DMD: variants seen among roughly 807,000 people sequenced by gnomAD.
DMD encodes the protein mutant dystrophin.
Under a neutral mutation model 330.1 loss-of-function variants are expected in DMD, and 63 were observed. The ratio of observed to expected loss-of-function variants is 0.19; its 90% CI spans 0.16 to 0.24. The LOEUF (loss-of-function observed/expected upper bound fraction) is 0.24. Among genes scored for constraint, DMD ranks in the 10% least tolerant of loss-of-function variants. The probability of loss-of-function intolerance (pLI) is 1.00; values close to 1 mark genes in which losing one functional copy is unlikely to be tolerated. For synonymous variants in DMD, 1,223 were observed against 959.8 expected (o/e 1.27, Z -5.07); for missense variants, 3,344 against 2,684.1 (o/e 1.25, Z -5.43).
intron 55 of DMD, among the ~76,000 whole-genome samples, chrX:31,536,229 T>C (rs1272094538): frequency 9.0e-6 from 1 of 111,596 alleles, no homozygotes; most frequent in Non-Finnish European, 1.9e-5. Flanking sequence ...TTATGCAAGG[T>C]TGCTTAGTGG....
At chrX:33,116,937 G>A (rs1404297693) in intron 1 of DMD, among the ~76,000 whole-genome samples, 2 of 110,607 alleles carry the variant, frequency 1.8e-5, no homozygotes, top group Non-Finnish European at 3.8e-5. Flanking sequence ...GATTCATACT[G>A]CTCTCAAATC....
intron 7 of DMD, among the ~76,000 whole-genome samples, chrX:32,732,710 G>A (rs757819388): frequency 1.4e-4 from 15 of 110,792 alleles, no homozygotes; most frequent in Admixed American, 1.4e-3. Context: ...ACAAGCAAAT[G>A]CTGAGAGATT....
intron 41 of DMD, among the ~76,000 whole-genome samples, chrX:32,322,174 G>T (rs1030499223): frequency 1.8e-5 from 2 of 111,295 alleles, no homozygotes; most frequent in African/African-American, 3.3e-5. Context: ...AGAGATGGAA[G>T]ATTTGTAATA....
chrX:32,853,678 A>G (rs1194719032), intron 2 of DMD, among the ~76,000 whole-genome samples: 1 of 109,430 alleles, frequency 9.1e-6, no homozygotes, highest in South Asian at 3.9e-4. Flanking sequence ...GAAAGCCACA[A>G]AACAACCAGA....
chrX:31,560,923 A>G (rs2075160555), intron 55 of DMD, among the ~76,000 whole-genome samples: 1 of 112,043 alleles, frequency 8.9e-6, no homozygotes, highest in African/African-American at 3.2e-5. Context: ...TGTCAACAGT[A>G]GCCTATTAGT....
chrX:32,374,937 T>C (rs1351040779), intron 34 of DMD, among the ~76,000 whole-genome samples: 14 of 111,910 alleles, frequency 1.3e-4, no homozygotes, highest in Non-Finnish European at 1.3e-4. Flanking sequence ...CACAGTTTTC[T>C]TGTTTACAAA....
At chrX:31,863,009 A>G (rs2093733510) in intron 48 of DMD, among the ~76,000 whole-genome samples, 1 of 112,895 alleles carries the variant, frequency 8.9e-6, no homozygotes, top group South Asian at 3.6e-4. Flanking sequence ...GGCTAACGCC[A>G]TTTTAGGCCT....
intron 2 of DMD, among the ~76,000 whole-genome samples, chrX:32,883,849 A>AAAG (rs2084256559): frequency 1.9e-5 from 2 of 104,713 alleles, no homozygotes; most frequent in Middle Eastern, 5.0e-3. Context: ...AAAAAAAAAA[A>AAAG]AAGAAAATGA....
chrX:32,659,653 T>C (rs983922354), intron 9 of DMD, among the ~76,000 whole-genome samples: 2 of 111,229 alleles, frequency 1.8e-5, no homozygotes, highest in African/African-American at 3.3e-5. Flanking sequence ...AATGTGTCTC[T>C]TAGCATATGA....
At chrX:32,531,965 T>C (rs1456090172) in intron 17 of DMD, among the ~76,000 whole-genome samples, 2 of 111,368 alleles carry the variant, frequency 1.8e-5, no homozygotes, top group Non-Finnish European at 1.9e-5. Context: ...AAATAATTTA[T>C]TTCCCAATTT....
Position 31,220,715 on chromosome X carries a change from G to A in DMD, c.9361+2332C>T, listed in dbSNP as rs927742179. 2.7e-5 allele frequency among the ~76,000 whole-genome samples: 3 copies of A among 110,270 alleles called. No homozygotes were observed. In the Admixed American group the frequency reaches 2.9e-4, roughly 11 times the overall value. ...TTTCTCCTGAGCACCACAGCTCCGT[G>A]TCTAACCTTACCAGACAAGTCCCAC... is the stretch of plus-strand genomic sequence containing the variant. On this transcript the variant is annotated intron_variant, in intron 64 of 78. Transcript: ENST00000357033.
chrX:31,805,711 G>A (rs2092268295), intron 50 of DMD, among the ~76,000 whole-genome samples: 1 of 112,002 alleles, frequency 8.9e-6, no homozygotes, highest in Non-Finnish European at 1.9e-5. Context: ...TCCATGAGTG[G>A]CTTTATAAAT....
chrX:32,360,537 C>A (rs1214090757), intron 37 of DMD, among the ~76,000 whole-genome samples: 2 of 110,823 alleles, frequency 1.8e-5, no homozygotes, highest in Non-Finnish European at 3.8e-5. Context: ...CTTGTAATCC[C>A]AGCACTTTGA....
At chrX:31,258,582 T>G (rs924696118) in intron 63 of DMD, among the ~76,000 whole-genome samples, 5 of 112,031 alleles carry the variant, frequency 4.5e-5, no homozygotes, top group African/African-American at 6.5e-5. Flanking sequence ...ATATAAAAAT[T>G]ATACCTGAAA....
chrX:32,844,987 A>T (rs1301362169), intron 3 of DMD, 127 bp from the exon 4 acceptor site: 7 of 577,077 alleles, frequency 1.2e-5, no homozygotes, highest in Non-Finnish European at 2.0e-5. Flanking sequence ...TGAGGCATTA[A>T]TATAATGAAT....
At position 32,613,286 on chromosome X, in the gene DMD, T is replaced by TTG. The variant is rs768425225; in HGVS notation, c.1482+1015_1482+1016dup. 4.0e-3 allele frequency among the ~76,000 whole-genome samples: 438 copies of TTG among 110,473 alleles called. 8 individuals carry two copies. The highest frequency in any genetic ancestry group is 0.027 in the East Asian group (94 of 3,494). On this transcript the variant is annotated intron_variant, in intron 12 of 78. Coordinates refer to ENST00000357033, the MANE Select transcript of DMD (RefSeq NM_004006.3). Reference sequence around the variant, plus strand: ...AATCCTGGGACAATTACAAAGGATCTTGTGTGTGTGTGTGTTTCCTCATGA... The same window carrying TTG: ...AATCCTGGGACAATTACAAAGGATCTTGTGTGTGTGTGTGTGTTTCCTCATGA...
intron 45 of DMD, among the ~76,000 whole-genome samples, chrX:31,936,100 G>A (rs1233358556): frequency 2.7e-5 from 3 of 110,702 alleles, no homozygotes; most frequent in Non-Finnish European, 5.7e-5. Context: ...GATTTTTTAA[G>A]ATCCTAGTAA....
At chrX:31,290,606 T>G (rs1326125581) in intron 62 of DMD, among the ~76,000 whole-genome samples, 2 of 111,764 alleles carry the variant, frequency 1.8e-5, no homozygotes, top group East Asian at 5.6e-4. Context: ...ATTTGCTGAA[T>G]GAATAAAAAT....
chrX:32,431,992 C>T (rs1439864541), intron 29 of DMD, among the ~76,000 whole-genome samples: 9 of 111,382 alleles, frequency 8.1e-5, no homozygotes, highest in South Asian at 3.8e-4. Flanking sequence ...AATGCTAGGA[C>T]GCTCCTAACC....
Sources: gnomAD v4.1 joint callset for allele counts (sites outside exome capture counted in the v4.1 genomes callset) on GRCh38, gnomAD v4.1.1 for gene constraint, MANE v1.5 for transcripts, NCBI Gene and HGNC (gene_info 2026-07-23, HGNC 2026-07-21) for gene names.